Variants in OPCML observed in about 807,000 individuals in gnomAD.
OPCML encodes opioid-binding protein/cell adhesion molecule.
Under a neutral mutation model 37.8 loss-of-function variants are expected in OPCML, and 13 were observed. That is an observed-to-expected ratio of 0.34 (90% CI 0.22 to 0.55). The LOEUF (loss-of-function observed/expected upper bound fraction) is 0.55, where lower values mean the gene tolerates loss of function less well. Among genes scored for constraint, OPCML ranks in the 20% least tolerant of loss-of-function variants. OPCML has a pLI of 0.91. For synonymous variants in OPCML, 176 were observed against 168.8 expected (o/e 1.04, Z -0.33); for missense variants, 341 against 435.6 (o/e 0.78, Z 1.93).
intron 2 of OPCML, among the ~76,000 whole-genome samples, chr11:132,775,158 C>G (rs1946770060): frequency 6.6e-6 from 1 of 152,204 alleles, no homozygotes; most frequent in African/African-American, 2.4e-5. Context: ...CAGCATCTTT[C>G]TGGATGCTAC....
chr11:133,008,431 T>C (rs1410549274), intron 1 of OPCML: 1 of 985,238 alleles, frequency 1.0e-6, no homozygotes, highest in East Asian at 1.1e-4. Context: ...GATTTTTTTC[T>C]TTTTCTGATT....
At chr11:133,392,118 G>A (rs75208687) in intron 1 of OPCML, among the ~76,000 whole-genome samples, 15,780 of 152,176 alleles carry the variant, frequency 0.1, 906 homozygotes, top group East Asian at 0.14. Context: ...AATGCTTACT[G>A]AGTGTTTACC....
rs545405220 is a variant in OPCML, at chr11:133,001,724, G to A, written c.62-58714C>T. Among the ~76,000 whole-genome samples the A allele has an allele frequency of 1.3e-3, 198 of 152,316 alleles. 2 individuals are homozygous for A. The highest frequency in any genetic ancestry group is 4.7e-3 in the African/African-American group (194 of 41,574). On this transcript the variant is annotated intron_variant, in intron 1 of 7. Coordinates refer to ENST00000524381, the MANE Select transcript of OPCML (RefSeq NM_001012393.5). ...AAGTGGAGACCAATGAGGGAACTGG[G>A]ATTAAAACCCAAAGGCCTATAGATT...
chr11:133,059,365 T>C (rs1395970136), intron 1 of OPCML, among the ~76,000 whole-genome samples: 1 of 152,198 alleles, frequency 6.6e-6, no homozygotes. Context: ...GTCAGAACTA[T>C]TGTCAGGATA....
At chr11:132,755,812 A>G (rs976620226) in intron 2 of OPCML, among the ~76,000 whole-genome samples, 5 of 152,206 alleles carry the variant, frequency 3.3e-5, no homozygotes, top group African/African-American at 1.2e-4. Context: ...ACAGGTATAT[A>G]TTACTGAGTT....
chr11:133,249,912 G>A (rs191301253), intron 1 of OPCML, among the ~76,000 whole-genome samples: 78 of 152,304 alleles, frequency 5.1e-4, no homozygotes, highest in Admixed American at 4.6e-3. Flanking sequence ...GACGATGGGA[G>A]AAGCTAGACC....
chr11:133,401,263 C>T (rs537996610), intron 1 of OPCML, among the ~76,000 whole-genome samples: 1 of 152,086 alleles, frequency 6.6e-6, no homozygotes, highest in African/African-American at 2.4e-5. Context: ...ATCAAATATC[C>T]AATTATTCAG....
intron 2 of OPCML, among the ~76,000 whole-genome samples, chr11:132,892,427 A>G (rs1943684847): frequency 6.6e-6 from 1 of 152,212 alleles, no homozygotes; most frequent in Non-Finnish European, 1.5e-5. Context: ...AATTTTAACT[A>G]CATCGATGTG....
At chr11:133,207,776 C>T (rs1370326019) in intron 1 of OPCML, among the ~76,000 whole-genome samples, 1 of 152,158 alleles carries the variant, frequency 6.6e-6, no homozygotes, top group Non-Finnish European at 1.5e-5. Flanking sequence ...GCAGCCCAGG[C>T]TTCTAGATAC....
intron 1 of OPCML, among the ~76,000 whole-genome samples, chr11:132,988,784 A>T (rs1469838151): frequency 6.6e-6 from 1 of 152,238 alleles, no homozygotes; most frequent in Non-Finnish European, 1.5e-5. Flanking sequence ...TGGACTAATT[A>T]TCTCAATTAG....
chr11:133,475,679 G>A (rs1281509967), intron 1 of OPCML, among the ~76,000 whole-genome samples: 1 of 152,138 alleles, frequency 6.6e-6, no homozygotes, highest in Non-Finnish European at 1.5e-5. Flanking sequence ...AGAGACATCA[G>A]CAGGAGAGTT....
At chr11:132,480,132 A>T (rs376163631) in intron 4 of OPCML, among the ~76,000 whole-genome samples, 4 of 152,272 alleles carry the variant, frequency 2.6e-5, no homozygotes, top group East Asian at 3.9e-4. Context: ...AAAAATTTAG[A>T]AGAATGTATA....
rs563902253 is a variant in OPCML, at chr11:132,684,996, C to CT, written c.147-27678dup. On this transcript the variant is annotated intron_variant, in intron 2 of 7. Coordinates refer to ENST00000524381, the MANE Select transcript of OPCML (RefSeq NM_001012393.5). The stretch of plus-strand genomic sequence containing the variant: ...TTATTAATCCACCTTCACCTAAATA[C>CT]TAAATTACCTGCAGAATGATTGTGT... 5.0e-4 allele frequency among the ~76,000 whole-genome samples: 76 copies of CT among 152,314 alleles called. No individual in the cohort carries two copies. The South Asian group carries it at 0.016, about 32-fold the overall frequency.
At chr11:133,006,077 TA>T in intron 1 of OPCML, 16 of 985,356 alleles carry the variant, frequency 1.6e-5, no homozygotes, top group Non-Finnish European at 1.9e-5. Flanking sequence ...AGTGTGCTCA[TA>T]ACAGTGAGAC....
intron 1 of OPCML, among the ~76,000 whole-genome samples, chr11:133,478,466 T>C (rs1947292833): frequency 8.6e-6 from 1 of 116,922 alleles, no homozygotes; most frequent in East Asian, 2.6e-4. Flanking sequence ...CGTGTCATAG[T>C]TTGTGGGGTC....
intron 2 of OPCML, among the ~76,000 whole-genome samples, chr11:132,919,900 C>G (rs7937717): frequency 6.6e-6 from 1 of 152,152 alleles, no homozygotes; most frequent in African/African-American, 2.4e-5. Flanking sequence ...GCAGAGAATG[C>G]GTATTGTGCG....
chr11:133,207,797 C>G (rs1301343666), intron 1 of OPCML, among the ~76,000 whole-genome samples: 1 of 152,104 alleles, frequency 6.6e-6, no homozygotes, highest in Non-Finnish European at 1.5e-5. Context: ...ATTGCCGTCA[C>G]TATGATTATC....
rs79511079 is a variant in OPCML at position 133,114,807 on chromosome 11, G to A, written c.62-171797C>T. 7.5e-3 allele frequency among the ~76,000 whole-genome samples: 1,147 copies of A among 152,252 alleles called. 14 individuals are homozygous for A. Among genetic ancestry groups the A allele is most frequent in the Admixed American group, 0.01 (154 of 15,298 alleles). On this transcript the variant is annotated intron_variant, in intron 1 of 7. Transcript: ENST00000524381. The stretch of plus-strand genomic sequence containing the variant: ...AGTAGGAGGAGTTAAGAGTCTCAAA[G>A]CAAATGGTTGTGAGTTTCAGAGAGA...
intron 4 of OPCML, among the ~76,000 whole-genome samples, chr11:132,466,506 T>C (rs1447490504): frequency 1.3e-5 from 2 of 150,586 alleles, no homozygotes; most frequent in East Asian, 2.0e-4. Context: ...AAAAGCTTGC[T>C]TCAATCCTGG....
Sources: gnomAD v4.1 joint callset for allele counts (sites outside exome capture counted in the v4.1 genomes callset) on GRCh38, gnomAD v4.1.1 for gene constraint, MANE v1.5 for transcripts, NCBI Gene and HGNC (gene_info 2026-07-23, HGNC 2026-07-21) for gene names.